Variants in CACNA1G observed in about 807,000 individuals in gnomAD.
CACNA1G encodes the protein voltage-dependent T-type calcium channel subunit alpha-1G.
Under a neutral mutation model 219.4 loss-of-function variants are expected in CACNA1G, and 67 were observed. The ratio of observed to expected loss-of-function variants is 0.31; its 90% CI spans 0.25 to 0.37. CACNA1G has a LOEUF of 0.37. CACNA1G is among the 10% of genes least tolerant of loss of function. The pLI, the probability that CACNA1G is intolerant of heterozygous loss-of-function variation, is 1.00. For synonymous variants in CACNA1G, 1,296 were observed against 1,345.3 expected, an observed-to-expected ratio of 0.96 and a Z score of 0.80; for missense variants, 2,380 against 3,231.4, an observed-to-expected ratio of 0.74 and a Z score of 6.39.
chr17:50,565,386 G>GGA (rs199747975), intron 1 of CACNA1G, among the ~76,000 whole-genome samples: 1 of 143,128 alleles, frequency 7.0e-6, no homozygotes, highest in South Asian at 2.5e-4. Context: ...GTGGGGTGGG[G>GGA]CGGGGGGTTC....
chr17:50,569,523 G>C (rs898824494), intron 3 of CACNA1G, among the ~76,000 whole-genome samples, 183 bp from the exon 4 acceptor site: 10 of 152,052 alleles, frequency 6.6e-5, no homozygotes, highest in African/African-American at 2.4e-4. Context: ...TGGGCAATCT[G>C]TCCTTGTCTC....
In CACNA1G at chr17:50,627,305, G is replaced by A. The variant is rs1445240296; in HGVS notation, c.*554G>A. 1 of 429,640 alleles carries A rather than the reference G, an allele frequency of 2.3e-6. No individual in the cohort carries two copies. The highest frequency in any genetic ancestry group is 4.7e-6 in the Non-Finnish European group (1 of 213,306). The allele number at this position is 429,640 out of a possible 1,614,324, so 26.6% of individuals were successfully genotyped here. A position where few individuals can be genotyped will look rare whatever the true frequency, so the allele number is the denominator to read the frequency against. On this transcript the variant is annotated 3_prime_UTR_variant, in exon 38 of 38. Transcript: ENST00000359106. ...CGAGAACCATTTTGGAAACTGTAATGTAACTTATTTTTTCCTTTAACCTCG... is the reference window on the plus strand; with the variant it reads ...CGAGAACCATTTTGGAAACTGTAATATAACTTATTTTTTCCTTTAACCTCG...
At position 50,573,060 on chromosome 17, in the gene CACNA1G, G is replaced by A. The variant is rs1376826033; in HGVS notation, c.1087G>A (p.Val363Met). The A allele has an allele frequency of 6.3e-7, 1 of 1,579,412 alleles. No homozygotes were observed. Among genetic ancestry groups the A allele is most frequent in the South Asian group, 1.2e-5 (1 of 86,340 alleles). ...LEGWVDIMYF[V>M]MDAHSFYNFI... Reference sequence around the variant, plus strand: ...GGGCTGGGTCGACATCATGTACTTTGTGATGGATGCTCATTCCTTCTACAA... The same window carrying A: ...GGGCTGGGTCGACATCATGTACTTTATGATGGATGCTCATTCCTTCTACAA... Residue 363 changes from valine (V) to methionine (M), a missense_variant, in exon 7 of 38, where the codon GTG (valine) becomes ATG (methionine). By Grantham distance (21) the Val-to-Met change is conservative. Coordinates refer to ENST00000359106, the MANE Select transcript of CACNA1G (RefSeq NM_018896.5).
chr17:50,617,332 G>A lies in CACNA1G; in HGVS notation c.5022-106G>A, dbSNP rs565272726. 2.3e-5 allele frequency: 29 copies of A among 1,269,686 alleles called. No individual in the cohort carries two copies. Among genetic ancestry groups the A allele is most frequent in the Middle Eastern group, 5.5e-4 (2 of 3,660 alleles). The allele number at this position is 1,269,686 out of a possible 1,614,324, so 78.7% of individuals were successfully genotyped here. ...CTCTGTGGGATGGGAGGCTGGACCC[G>A]CTGATGTCTGCCCTCCTTTCAAGCC... On this transcript the variant is annotated intron_variant, in intron 28 of 37. Coordinates refer to ENST00000359106, the MANE Select transcript of CACNA1G (RefSeq NM_018896.5). This position sits in a 1 kb window ranked among gnomAD's most constrained non-coding sequence, Gnocchi z 5.8.
chr17:50,608,209 TCAGCCCCATGGG>T (rs2048358537), intron 25 of CACNA1G, among the ~76,000 whole-genome samples, 190 bp downstream of exon 25: 1 of 152,052 alleles, frequency 6.6e-6, no homozygotes, highest in Non-Finnish European at 1.5e-5. Flanking sequence ...GCAGACCACT[TCAGCCCCATGGG>T]TAGGGGGAGC....
At chr17:50,577,425 C>T (rs1302992093) in intron 8 of CACNA1G, among the ~76,000 whole-genome samples, 1 of 149,852 alleles carries the variant, frequency 6.7e-6, no homozygotes, top group African/African-American at 2.5e-5. Context: ...TGGGCTAGGT[C>T]CCTGAGTGTG....
intron 19 of CACNA1G, 106 bp downstream of exon 19, chr17:50,601,280 A>G: frequency 2.2e-6 from 3 of 1,377,876 alleles, no homozygotes; most frequent in Non-Finnish European, 2.0e-6. Flanking sequence ...GTCACACAGC[A>G]GGGAACGAGG....
chr17:50,623,910 C>G lies in CACNA1G; in HGVS notation c.6064C>G (p.Gln2022Glu), dbSNP rs1168581204. The part of the protein sequence containing the change: ...LLLSALESNM[Q>E]PHPTELPGPD... ...CCCTCCCCTGTTCCTTTTGCAGATG[C>G]AGCCCCACCCCACGGAGCTGCCAGG... The change falls in exon 36 of 38, where the codon CAG (glutamine) becomes GAG (glutamate). Residue 2022 changes from glutamine to glutamate, a missense_variant. Gln to Glu is a conservative substitution (Grantham distance 29, BLOSUM62 2). Coordinates refer to ENST00000359106, the MANE Select transcript of CACNA1G (RefSeq NM_018896.5). 6.2e-7 allele frequency: 1 copy of G among 1,607,290 alleles called. No homozygotes were observed. Among genetic ancestry groups the G allele is most frequent in the South Asian group, 1.1e-5 (1 of 90,952 alleles).
In CACNA1G at chr17:50,609,949, GGTGTGGGCTCATGC is replaced by G; in HGVS notation, c.4759+22_4759+35del. On this transcript the variant is annotated intron_variant, in intron 26 of 37. Transcript: ENST00000359106. ...GCGCTGCGTCAGGTACTGCGTCTGG[GGTGTGGGCTCATGC>G]GTGTGGGGACATGCTCTTCACTCCC... The G allele has an allele frequency of 6.2e-7, 1 of 1,607,944 alleles. No individual in the cohort carries two copies. The highest frequency in any genetic ancestry group is 8.5e-7 in the Non-Finnish European group (1 of 1,178,638).
chr17:50,594,067 C>T (rs1217120023), intron 13 of CACNA1G, among the ~76,000 whole-genome samples: 1 of 152,198 alleles, frequency 6.6e-6, no homozygotes, highest in African/African-American at 2.4e-5. Context: ...GAGGAAGTGG[C>T]TGCCCCCATT....
In CACNA1G at chr17:50,600,021, G is replaced by A. The variant is rs539065998; in HGVS notation, c.3690+162G>A. Among the ~76,000 whole-genome samples, 2 of 152,310 alleles carry A rather than the reference G, an allele frequency of 1.3e-5. No individual in the cohort carries two copies. Among genetic ancestry groups the A allele is most frequent in the East Asian group, 1.9e-4 (1 of 5,188 alleles). ...AACAATCCCTTTTCTCCCTCTGCCC[G>A]CCTTGCCAAGCCCCAGATCCTTGTC... On this transcript the variant is annotated intron_variant, in intron 17 of 37. Transcript: ENST00000359106. The surrounding 1 kb of genome is among the most constrained non-coding windows in gnomAD (Gnocchi z 4.1).
rs973822515 is a variant in CACNA1G at position 50,590,689 on chromosome 17, G to A, written c.2453+67G>A. 2.7e-6 allele frequency: 4 copies of A among 1,491,676 alleles called. No homozygotes were observed. In the African/African-American group the frequency reaches 4.1e-5, roughly 15 times the overall value. 92.4% of individuals were successfully genotyped at this position (1,491,676 alleles called of 1,614,324 possible). On this transcript the variant is annotated intron_variant, in intron 10 of 37. Transcript: ENST00000359106. ...TAGCAGGGGTGGCTTGGGGCCAGGG[G>A]CCATGCCACCTATTCCCCTGGGGTG...
chr17:50,576,369 G>C (rs2040651562), intron 8 of CACNA1G, 43 bp downstream of exon 8: 1 of 1,542,354 alleles, frequency 6.5e-7, no homozygotes, highest in Non-Finnish European at 8.8e-7. Context: ...CTCGTCTGGG[G>C]ACTGGGTGGC....
intron 25 of CACNA1G, among the ~76,000 whole-genome samples, chr17:50,609,085 G>A (rs372367437): frequency 5.3e-5 from 8 of 152,302 alleles, no homozygotes; most frequent in African/African-American, 1.9e-4. Context: ...GGTGGCCTGA[G>A]TTTTCCTTTG....
intron 7 of CACNA1G, among the ~76,000 whole-genome samples, chr17:50,575,046 G>A (rs1033933457): frequency 6.6e-6 from 1 of 152,182 alleles, no homozygotes. Context: ...TAGAATTGGG[G>A]CTAGAAGCAG....
In CACNA1G at chr17:50,561,391, G is replaced by A; in HGVS notation, c.-69G>A. On this transcript the variant is annotated 5_prime_UTR_variant, in exon 1 of 38. It removes the in-frame stop codon of an upstream open reading frame in the 5' UTR. Coordinates refer to ENST00000359106, the MANE Select transcript of CACNA1G (RefSeq NM_018896.5). ...CCCCGCCGGGGCCCCCGGGTTGCGT[G>A]AGGACACCTCCTCTGAGGGGCGCCG... 1.3e-6 allele frequency: 2 copies of A among 1,530,364 alleles called. No homozygotes were observed. The highest frequency in any genetic ancestry group is 1.7e-6 in the Non-Finnish European group (2 of 1,144,556). The allele number at this position is 1,530,364 out of a possible 1,614,324, so 94.8% of individuals were successfully genotyped here.
chr17:50,606,882 T>A lies in CACNA1G; in HGVS notation c.4423-18T>A. 6.3e-7 allele frequency: 1 copy of A among 1,595,294 alleles called. No homozygotes were observed. Among genetic ancestry groups the A allele is most frequent in the Non-Finnish European group, 8.6e-7 (1 of 1,163,178 alleles). ...ACATCCTAGACTTCAAATGTCTCCTTCTCCTCCTCCCCATCAGGCCCTGAT... is the reference window on the plus strand; with the variant it reads ...ACATCCTAGACTTCAAATGTCTCCTACTCCTCCTCCCCATCAGGCCCTGAT... On this transcript the variant is annotated intron_variant, in intron 23 of 37. Coordinates refer to ENST00000359106, the MANE Select transcript of CACNA1G (RefSeq NM_018896.5).
At chr17:50,622,735 C>G (rs908389658) in intron 35 of CACNA1G, among the ~76,000 whole-genome samples, 1 of 152,324 alleles carries the variant, frequency 6.6e-6, no homozygotes, top group South Asian at 2.1e-4. Context: ...CTCCCTCATG[C>G]TGGAGTCCAA....
Position 50,569,315 on chromosome 17 carries a change from G to A in CACNA1G, c.488+17G>A, listed in dbSNP as rs1598050709. On this transcript the variant is annotated intron_variant, in intron 3 of 37. Transcript: ENST00000359106. Reference sequence around the variant, plus strand: ...CATCGCAGGGTGAGGACCTGGGCTGGGGTGGGAGAGCAATGGATCAGATCG... The same window carrying A: ...CATCGCAGGGTGAGGACCTGGGCTGAGGTGGGAGAGCAATGGATCAGATCG... 6.2e-7 allele frequency: 1 copy of A among 1,612,956 alleles called. No individual in the cohort carries two copies. Among genetic ancestry groups the A allele is most frequent in the African/African-American group, 1.3e-5 (1 of 74,872 alleles).
Sources: allele counts gnomAD v4.1 joint callset (sites outside exome capture counted in the v4.1 genomes callset), GRCh38; gene constraint gnomAD v4.1.1; non-coding constraint Gnocchi (gnomAD v3.1); transcripts MANE v1.5; gene names NCBI Gene and HGNC (gene_info 2026-07-23, HGNC 2026-07-21).